Variants in MDN1 observed in about 807,000 individuals in gnomAD.
The protein encoded by MDN1 is midasin.
MDN1 carries 266 observed loss-of-function variants against 669.2 expected under a neutral mutation model. The observed-to-expected ratio is 0.40, with a 90% CI of 0.36 to 0.44. The LOEUF (loss-of-function observed/expected upper bound fraction) is 0.44, where lower values mean the gene tolerates loss of function less well. Among genes scored for constraint, MDN1 ranks in the 20% least tolerant of loss-of-function variants. The probability of loss-of-function intolerance (pLI) is 1.00; values close to 1 mark genes in which losing one functional copy is unlikely to be tolerated. For synonymous variants in MDN1, 2,385 were observed against 2,457.1 expected (o/e 0.97, Z 0.87); for missense variants, 5,940 against 6,754.0 (o/e 0.88, Z 4.22).
chr6:89,759,609 C>T (rs1007378673), intron 17 of MDN1, among the ~76,000 whole-genome samples: 1 of 151,960 alleles, frequency 6.6e-6, no homozygotes, highest in Non-Finnish European at 1.5e-5. Flanking sequence ...ACTAAAAATA[C>T]AAAAAATAGC....
chr6:89,795,978 G>A (rs936860461), intron 2 of MDN1, among the ~76,000 whole-genome samples: 2 of 151,390 alleles, frequency 1.3e-5, no homozygotes, highest in Non-Finnish European at 2.9e-5. Context: ...AATAAAGGTG[G>A]GGGGGACATC....
chr6:89,655,056 A>T (rs1187106665), intron 92 of MDN1, among the ~76,000 whole-genome samples: 1 of 152,184 alleles, frequency 6.6e-6, no homozygotes. Flanking sequence ...AGGCTCAGAA[A>T]AGTTTTTTGG....
rs1814412227 is a variant in MDN1, at chr6:89,716,888, G to A, written c.6584-79C>T. 2.1e-6 allele frequency: 3 copies of A among 1,400,006 alleles called. No individual in the cohort carries two copies. In the Admixed American group the frequency reaches 8.1e-5, roughly 38 times the overall value. The allele number at this position is 1,400,006 out of a possible 1,614,324, so 86.7% of individuals were successfully genotyped here. ...AATTAAGTTTATGAAAAGGAAGCTTGATACTTCTAGCCAAGGTTTTTAAGA... is the reference window on the plus strand; with the variant it reads ...AATTAAGTTTATGAAAAGGAAGCTTAATACTTCTAGCCAAGGTTTTTAAGA... On this transcript the variant is annotated intron_variant, in intron 43 of 101. Coordinates refer to ENST00000369393, the MANE Select transcript of MDN1 (RefSeq NM_014611.3).
chr6:89,648,295 G>C lies in MDN1; in HGVS notation c.16241C>G (p.Ala5414Gly), dbSNP rs1808614165. 6.2e-7 allele frequency: 1 copy of C among 1,614,062 alleles called. No individual in the cohort carries two copies. Among genetic ancestry groups the C allele is most frequent in the African/African-American group, 1.3e-5 (1 of 74,930 alleles). Residue 5414 changes from alanine to glycine, a missense_variant, in exon 98 of 102, where the codon GCT (alanine) becomes GGT (glycine). Physicochemically the swap from Ala to Gly is moderately conservative, Grantham distance 60 (BLOSUM62 0). Around this residue, in one of 5 missense-constraint regions of MDN1, gnomAD observed 2,280 missense variants for 2,576.3 expected, o/e 0.88. Coordinates refer to ENST00000369393, the MANE Select transcript of MDN1 (RefSeq NM_014611.3). ...CTGACCCACTTCCAGGAGGGTTAGA[G>C]CATTTCCAATCACAGCCAAAGATTC... The part of the protein sequence containing the change: ...AFESLAVIGN[A>G]LTLLEVGQIA...
chr6:89,714,224 G>A (rs1158213864), intron 46 of MDN1, among the ~76,000 whole-genome samples: 3 of 152,060 alleles, frequency 2.0e-5, no homozygotes, highest in African/African-American at 7.2e-5. Context: ...AACTTCAAGA[G>A]GCTGTTGATG....
intron 73 of MDN1, among the ~76,000 whole-genome samples, chr6:89,682,718 A>AAAAAAAAAAC (rs1811718113): frequency 6.8e-6 from 1 of 147,178 alleles, no homozygotes; most frequent in Admixed American, 6.8e-5. Flanking sequence ...AAAAAAAAAA[A>AAAAAAAAAAC]AAAAAAAAAC....
At chr6:89,747,296 CTATA>C in intron 27 of MDN1, 29 bp downstream of exon 27, 1 of 1,602,218 alleles carries the variant, frequency 6.2e-7, no homozygotes, top group Non-Finnish European at 8.5e-7. Flanking sequence ...TTTAACATAA[CTATA>C]TATTGAGAGC....
rs1379432498 is a variant in MDN1 at position 89,695,005 on chromosome 6, G to A, written c.9771+600C>T. Among the ~76,000 whole-genome samples the A allele has an allele frequency of 1.3e-5, 2 of 152,158 alleles. No individual in the cohort carries two copies. Among genetic ancestry groups the A allele is most frequent in the South Asian group, 2.1e-4 (1 of 4,830 alleles). On this transcript the variant is annotated intron_variant, in intron 61 of 101. Coordinates refer to ENST00000369393, the MANE Select transcript of MDN1 (RefSeq NM_014611.3). The surrounding 1 kb of genome is among the most constrained non-coding windows in gnomAD (Gnocchi z 4.1). ...TCCCAGCACTTTGGGAGGCCAAGGC[G>A]GGTGGATCACTTGAGGTCAGAATTC...
At chr6:89,732,837 T>C in intron 33 of MDN1, 62 bp from the exon 34 acceptor site, 1 of 1,495,212 alleles carries the variant, frequency 6.7e-7, no homozygotes, top group Non-Finnish European at 9.2e-7. Flanking sequence ...CAAAAGTTCA[T>C]AACCAGGGGC....
At position 89,689,851 on chromosome 6, in the gene MDN1, C is replaced by G. The variant is rs367681409; in HGVS notation, c.11023+19G>C. Reference sequence around the variant, plus strand: ...TTGCTTTCATTTCCCAGGGGCATAACAAAAGTAAACTACCATACCCATCAG... The same window carrying G: ...TTGCTTTCATTTCCCAGGGGCATAAGAAAAGTAAACTACCATACCCATCAG... On this transcript the variant is annotated intron_variant, in intron 65 of 101. Transcript: ENST00000369393. The G allele has an allele frequency of 4.4e-6, 7 of 1,606,648 alleles. No homozygotes were observed. The South Asian group carries it at 7.7e-5, about 18-fold the overall frequency.
In MDN1 at chr6:89,680,847, C is replaced by A. The variant is rs1300568333; in HGVS notation, c.12103-96G>T. On this transcript the variant is annotated intron_variant, in intron 73 of 101. Transcript: ENST00000369393. ...TTAACTGTTGCACACAAAAACACAT[C>A]CCTAGTTCAGCAAATAGAGAACAAA... 1.6e-5 allele frequency: 21 copies of A among 1,328,350 alleles called. No homozygotes were observed. In the Admixed American group the frequency reaches 5.2e-4, roughly 33 times the overall value. 82.3% of individuals were successfully genotyped at this position (1,328,350 alleles called of 1,614,324 possible).
chr6:89,737,254 A>C (rs1395866784), intron 33 of MDN1, among the ~76,000 whole-genome samples: 1 of 152,110 alleles, frequency 6.6e-6, no homozygotes, highest in Non-Finnish European at 1.5e-5. Flanking sequence ...CGTCCCTAAA[A>C]CACCACAGGT....
intron 92 of MDN1, among the ~76,000 whole-genome samples, chr6:89,655,528 A>T (rs915747899): frequency 1.3e-5 from 2 of 152,196 alleles, no homozygotes; most frequent in Non-Finnish European, 2.9e-5. Context: ...TACCAAAAAC[A>T]AACTGTATTT....
chr6:89,678,904 A>G (rs1811422596), intron 74 of MDN1, among the ~76,000 whole-genome samples, 159 bp from the exon 75 acceptor site: 1 of 152,242 alleles, frequency 6.6e-6, no homozygotes, highest in Admixed American at 6.5e-5. Flanking sequence ...AGCATTTGGT[A>G]AAATCTCATT....
chr6:89,758,118 G>T, intron 19 of MDN1, 137 bp downstream of exon 19: 1 of 644,858 alleles, frequency 1.6e-6, no homozygotes, highest in South Asian at 1.9e-5. Context: ...GGATTCTGAG[G>T]TGGGAGGTGG....
chr6:89,722,535 T>C (rs1463604046), intron 40 of MDN1, among the ~76,000 whole-genome samples: 1 of 152,208 alleles, frequency 6.6e-6, no homozygotes, highest in Non-Finnish European at 1.5e-5. Flanking sequence ...CTTTTAACTT[T>C]TAAATTTTGA....
In MDN1 at chr6:89,743,307, T is replaced by C. The variant is rs773117874; in HGVS notation, c.4318-27A>G. 12 of 1,613,630 alleles carry C rather than the reference T, an allele frequency of 7.4e-6. No homozygotes were observed. The Admixed American group carries it at 1.8e-4, about 25-fold the overall frequency. On this transcript the variant is annotated intron_variant, in intron 30 of 101. Transcript: ENST00000369393. ...TATAATTTGAAAAAGTGGGGAAAAT[T>C]AAAGGGCAGGTGGCTCCACAGACAA...
chr6:89,696,534 C>A lies in MDN1; in HGVS notation c.9209G>T (p.Cys3070Phe). ...CCAGCTGCTGGTTAAGACTTCAAAGCAGCACTTAGAGAATATGGGTCTATT... is the reference window on the plus strand; with the variant it reads ...CCAGCTGCTGGTTAAGACTTCAAAGAAGCACTTAGAGAATATGGGTCTATT... ...NLNRPIFSKC[C>F]FEVLTSSWRA... Residue 3070 changes from cysteine to phenylalanine, a missense_variant, in exon 60 of 102, where the codon TGC (cysteine) becomes TTC (phenylalanine). Physicochemically the swap from Cys to Phe is radical, Grantham distance 205. Transcript: ENST00000369393. 3.7e-6 allele frequency: 6 copies of A among 1,614,158 alleles called. No homozygotes were observed. Among genetic ancestry groups the A allele is most frequent in the Non-Finnish European group, 5.1e-6 (6 of 1,180,014 alleles).
At chr6:89,648,957 C>T (rs1425907177) in intron 97 of MDN1, among the ~76,000 whole-genome samples, 1 of 150,690 alleles carries the variant, frequency 6.6e-6, no homozygotes, top group Non-Finnish European at 1.5e-5. Context: ...CCACTGCACT[C>T]CAGCCTAAGC....
Sources: gnomAD v4.1 joint callset for allele counts (sites outside exome capture counted in the v4.1 genomes callset) on GRCh38, gnomAD v4.1.1 for gene constraint, gnomAD v4.1.1 regional missense constraint, Gnocchi (gnomAD v3.1) non-coding constraint, MANE v1.5 for transcripts, NCBI Gene and HGNC (gene_info 2026-07-23, HGNC 2026-07-21) for gene names.